Variants in LDLRAD3 observed in about 807,000 individuals in gnomAD.
LDLRAD3 encodes the protein low density lipoprotein receptor class A domain containing 3.
Under a neutral mutation model 29.4 loss-of-function variants are expected in LDLRAD3, and 20 were observed. The observed-to-expected ratio is 0.68, with a 90% CI of 0.48 to 0.99. LDLRAD3 has a LOEUF of 0.99. Among genes scored for constraint, LDLRAD3 ranks in the 50% least tolerant of loss-of-function variants. The pLI is 0.00. For missense variants in LDLRAD3, 420 were observed against 454.3 expected (o/e 0.92, Z 0.69); for synonymous variants, 157 against 192.7 (o/e 0.81, Z 1.53).
At chr11:36,112,447 T>A (rs10836493) in intron 4 of LDLRAD3, among the ~76,000 whole-genome samples, 1 of 152,146 alleles carries the variant, frequency 6.6e-6, no homozygotes, top group African/African-American at 2.4e-5. Flanking sequence ...GCCAGGGGAC[T>A]TAATGTATGT....
At chr11:36,119,683 G>T (rs904015769) in intron 4 of LDLRAD3, among the ~76,000 whole-genome samples, 3 of 151,988 alleles carry the variant, frequency 2.0e-5, no homozygotes, top group Non-Finnish European at 2.9e-5. Flanking sequence ...GTAAGTTGAG[G>T]TCTTTTGATT....
chr11:35,983,825 A>G (rs1044241583), intron 1 of LDLRAD3, among the ~76,000 whole-genome samples: 13 of 152,024 alleles, frequency 8.6e-5, no homozygotes, highest in African/African-American at 2.7e-4. Context: ...GGGTTTCACC[A>G]CGTTGGCCAG....
At chr11:36,181,574 A>G (rs1475487373) in intron 4 of LDLRAD3, among the ~76,000 whole-genome samples, 1 of 152,158 alleles carries the variant, frequency 6.6e-6, no homozygotes, top group Non-Finnish European at 1.5e-5. Context: ...CTAGGTTTTC[A>G]CATGGAGCCT....
intron 2 of LDLRAD3, among the ~76,000 whole-genome samples, chr11:36,045,837 T>G (rs1266817555): frequency 6.6e-6 from 1 of 152,116 alleles, no homozygotes; most frequent in African/African-American, 2.4e-5. Context: ...GGGATACATG[T>G]GCAGAAAGTG....
chr11:36,070,943 A>G (rs1852891086), intron 2 of LDLRAD3, among the ~76,000 whole-genome samples: 1 of 152,108 alleles, frequency 6.6e-6, no homozygotes, highest in African/African-American at 2.4e-5. Flanking sequence ...CATCTCACAG[A>G]AGGAGGATGC....
intron 3 of LDLRAD3, among the ~76,000 whole-genome samples, chr11:36,084,755 G>A (rs990357316): frequency 3.3e-5 from 5 of 152,092 alleles, no homozygotes; most frequent in African/African-American, 1.2e-4. Context: ...AATTGATGGG[G>A]CCTTCATAAT....
At chr11:36,120,357 A>C (rs1403704671) in intron 4 of LDLRAD3, among the ~76,000 whole-genome samples, 1 of 152,062 alleles carries the variant, frequency 6.6e-6, no homozygotes, top group African/African-American at 2.4e-5. Context: ...TCACCAGAAT[A>C]TTTTCTGCTC....
At chr11:36,117,461 A>C (rs780125464) in intron 4 of LDLRAD3, among the ~76,000 whole-genome samples, 7 of 152,234 alleles carry the variant, frequency 4.6e-5, no homozygotes, top group Non-Finnish European at 1.0e-4. Context: ...TTCTGAACTG[A>C]TCTTGGGTTT....
intron 4 of LDLRAD3, among the ~76,000 whole-genome samples, chr11:36,155,455 C>T (rs986081860): frequency 2.0e-5 from 3 of 152,164 alleles, no homozygotes; most frequent in Non-Finnish European, 2.9e-5. Flanking sequence ...TTGACTTCCG[C>T]GTCTGTTCCC....
intron 3 of LDLRAD3, among the ~76,000 whole-genome samples, chr11:36,083,340 C>T (rs947580812): frequency 2.6e-5 from 4 of 152,152 alleles, no homozygotes; most frequent in African/African-American, 9.7e-5. Flanking sequence ...ACCCCCACCA[C>T]ATATTTTAAT....
At chr11:36,060,345 C>T (rs1360857511) in intron 2 of LDLRAD3, among the ~76,000 whole-genome samples, 4 of 137,046 alleles carry the variant, frequency 2.9e-5, no homozygotes, top group African/African-American at 5.6e-5. Flanking sequence ...CAGAGCAAGA[C>T]TCTGTCTCAA....
At chr11:36,182,735 C>G (rs891564429) in intron 4 of LDLRAD3, among the ~76,000 whole-genome samples, 1 of 152,136 alleles carries the variant, frequency 6.6e-6, no homozygotes, top group African/African-American at 2.4e-5. Context: ...CTTGCAGACC[C>G]CTAATAGTGC....
intron 4 of LDLRAD3, among the ~76,000 whole-genome samples, chr11:36,164,796 T>C (rs1434858048): frequency 6.6e-6 from 1 of 152,244 alleles, no homozygotes; most frequent in Non-Finnish European, 1.5e-5. Flanking sequence ...GATTCTTCTA[T>C]GTCCCAGATC....
intron 4 of LDLRAD3, among the ~76,000 whole-genome samples, chr11:36,122,843 A>T (rs1340074761): frequency 6.6e-6 from 1 of 152,030 alleles, no homozygotes; most frequent in African/African-American, 2.4e-5. Flanking sequence ...ACATAACGAG[A>T]TCCTATCTCA....
chr11:36,128,761 A>G (rs1440256465), intron 4 of LDLRAD3, among the ~76,000 whole-genome samples: 8 of 152,016 alleles, frequency 5.3e-5, no homozygotes, highest in Non-Finnish European at 1.2e-4. Flanking sequence ...AGTCAGGAGA[A>G]TCGCTTGAAC....
intron 4 of LDLRAD3, among the ~76,000 whole-genome samples, chr11:36,208,407 A>T (rs901207635): frequency 6.6e-6 from 1 of 152,190 alleles, no homozygotes; most frequent in African/African-American, 2.4e-5. Flanking sequence ...TGCTTCTAAG[A>T]TACTACCCTA....
intron 1 of LDLRAD3, among the ~76,000 whole-genome samples, chr11:35,946,688 A>G (rs184054111): frequency 6.6e-6 from 1 of 152,160 alleles, no homozygotes; most frequent in East Asian, 1.9e-4. Flanking sequence ...TCCAGGACTG[A>G]CCTTTGCCTA....
intron 2 of LDLRAD3, among the ~76,000 whole-genome samples, chr11:36,069,999 G>A (rs907854629): frequency 5.3e-5 from 8 of 152,136 alleles, no homozygotes; most frequent in African/African-American, 7.2e-5. Flanking sequence ...CTGTTCTGAT[G>A]CCAGCCTCGT....
intron 1 of LDLRAD3, among the ~76,000 whole-genome samples, chr11:35,955,227 A>T (rs1166201782): frequency 6.6e-6 from 1 of 152,254 alleles, no homozygotes; most frequent in Non-Finnish European, 1.5e-5. Flanking sequence ...CCTGGGCAAC[A>T]GAATGAGACT....
Sources: gnomAD v4.1 joint callset for allele counts (sites outside exome capture counted in the v4.1 genomes callset) on GRCh38, gnomAD v4.1.1 for gene constraint, MANE v1.5 for transcripts, NCBI Gene and HGNC (gene_info 2026-07-23, HGNC 2026-07-21) for gene names.